Variants in MRC2 observed in about 807,000 individuals in gnomAD.
MRC2 encodes the protein mannose receptor C-type 2.
A neutral mutation model predicts 206.2 loss-of-function variants in MRC2; 84 were observed. That is an observed-to-expected ratio of 0.41 (90% CI 0.34 to 0.49). MRC2 has a LOEUF of 0.49. Among genes scored for constraint, MRC2 ranks in the 20% least tolerant of loss-of-function variants. The pLI, the probability that MRC2 is intolerant of heterozygous loss-of-function variation, is 0.31. For synonymous variants in MRC2, 798 were observed against 800.0 expected, an observed-to-expected ratio of 1.00 and a Z score of 0.04; for missense variants, 1,676 against 2,001.5, an observed-to-expected ratio of 0.84 and a Z score of 3.10.
chr17:62,676,419 C>T lies in MRC2; in HGVS notation c.1722C>T (p.Asn574=), dbSNP rs1427344317. Residue 574 remains asparagine (N), a synonymous_variant, in exon 11 of 30, where the codon AAC becomes AAT. Coordinates refer to ENST00000303375, the MANE Select transcript of MRC2 (RefSeq NM_006039.5). Reference sequence around the variant, plus strand: ...CCTTCGTCAGCAGCCTCATCTACAACTGGGAGGGCGAGTACTTCTGGACGG... The same window carrying T: ...CCTTCGTCAGCAGCCTCATCTACAATTGGGAGGGCGAGTACTTCTGGACGG... ...EQAFVSSLIY[N]WEGEYFWTAL... 3 of 1,614,120 alleles carry T rather than the reference C, an allele frequency of 1.9e-6. No homozygotes were observed. The highest frequency in any genetic ancestry group is 1.7e-6 in the Non-Finnish European group (2 of 1,179,980).
chr17:62,673,583 A>G (rs1163808157), intron 8 of MRC2, among the ~76,000 whole-genome samples: 1 of 140,224 alleles, frequency 7.1e-6, no homozygotes, highest in Non-Finnish European at 1.5e-5. Flanking sequence ...ATCTTGGCTC[A>G]CTGGAACCTC....
chr17:62,689,565 G>A lies in MRC2; in HGVS notation c.3378G>A (p.Pro1126=), dbSNP rs747978843. The change falls in exon 24 of 30, where the codon CCG becomes CCA. Residue 1126 remains proline (P), a synonymous_variant. Coordinates refer to ENST00000303375, the MANE Select transcript of MRC2 (RefSeq NM_006039.5). ...SPSPAALPPA[P]GTELSYLNGT... ...CCCCAGCAGCGCTGCCCCCCGCCCC[G>A]GGCACTGAGCTCTCCTACCTCAACG... is the stretch of plus-strand genomic sequence containing the variant. The A allele has an allele frequency of 1.9e-5, 30 of 1,596,232 alleles. No homozygotes were observed. Among genetic ancestry groups the A allele is most frequent in the Admixed American group, 8.5e-5 (5 of 58,660 alleles).
rs139676528 is a variant in MRC2 at position 62,640,123 on chromosome 17, G to A, written c.118+12203G>A. On this transcript the variant is annotated intron_variant, in intron 1 of 29. Transcript: ENST00000303375. ...TGACCTCAGGTGATCTGCCTGCCTC[G>A]GCCTCCCAAAGTGCTGGGATTACAG... Among the ~76,000 whole-genome samples, 628 of 145,986 alleles carry A rather than the reference G, an allele frequency of 4.3e-3. 6 individuals are homozygous for A. Among genetic ancestry groups the A allele is most frequent in the African/African-American group, 0.015 (586 of 39,380 alleles).
In MRC2 at chr17:62,664,241, G is replaced by C. The variant is rs1161529365; in HGVS notation, c.119-307G>C. 6.6e-6 allele frequency among the ~76,000 whole-genome samples: 1 copy of C among 151,956 alleles called. No homozygotes were observed. The highest frequency in any genetic ancestry group is 2.4e-5 in the African/African-American group (1 of 41,268). On this transcript the variant is annotated intron_variant, in intron 1 of 29. Coordinates refer to ENST00000303375, the MANE Select transcript of MRC2 (RefSeq NM_006039.5). This position sits in a 1 kb window ranked among gnomAD's most constrained non-coding sequence, Gnocchi z 4.7. ...CCCAAAGTGCTGGGATTACAGGCGT[G>C]AGCCACCGCGCCCGGCCTGGGTTTG...
rs568979476 is a variant in MRC2, at chr17:62,636,565, T to C, written c.118+8645T>C. 6.1e-5 allele frequency among the ~76,000 whole-genome samples: 9 copies of C among 147,958 alleles called. No homozygotes were observed. The South Asian group carries it at 1.9e-3, about 32-fold the overall frequency. On this transcript the variant is annotated intron_variant, in intron 1 of 29. Transcript: ENST00000303375. ...CTCACTGCAAGCTCCACCTCCCAGG[T>C]TCACGCCATTCTCCCACCTCAGCCT...
At chr17:62,689,193 C>T (rs913407969) in intron 23 of MRC2, among the ~76,000 whole-genome samples, 14 of 152,274 alleles carry the variant, frequency 9.2e-5, no homozygotes, top group African/African-American at 1.7e-4. Flanking sequence ...GAGAGCTAGA[C>T]GCTGGGCTGC....
rs762227374 is a variant in MRC2, at chr17:62,690,234, G to T, written c.3821G>T (p.Arg1274Leu). 3.7e-6 allele frequency: 6 copies of T among 1,613,308 alleles called. No individual in the cohort carries two copies. Among genetic ancestry groups the T allele is most frequent in the Non-Finnish European group, 5.1e-6 (6 of 1,179,722 alleles). ...GLADSAWIPF[R>L]EHCYSFHMEL... ...GCAGACTCCGCGTGGATTCCCTTCC[G>T]GGAGCACTGCTATTCTTTCCACATG... The change falls in exon 26 of 30, where the codon CGG becomes CTG. Residue 1274 changes from arginine to leucine, a missense_variant. Coordinates refer to ENST00000303375, the MANE Select transcript of MRC2 (RefSeq NM_006039.5).
At chr17:62,689,796 T>C (rs1052528633) in intron 24 of MRC2, 36 bp downstream of exon 24, 8 of 1,530,086 alleles carry the variant, frequency 5.2e-6, no homozygotes, top group Non-Finnish European at 7.0e-6. Context: ...GGCCCCAGCC[T>C]TGCCCGGGTT....
At chr17:62,663,650 A>T (rs1464488183) in intron 1 of MRC2, among the ~76,000 whole-genome samples, 1 of 152,134 alleles carries the variant, frequency 6.6e-6, no homozygotes, top group Non-Finnish European at 1.5e-5. Flanking sequence ...AGGTGGAAAG[A>T]GGAAAGGTTG....
intron 1 of MRC2, among the ~76,000 whole-genome samples, chr17:62,646,094 G>C (rs909873687): frequency 6.9e-6 from 1 of 144,874 alleles, no homozygotes; most frequent in Non-Finnish European, 1.5e-5. Flanking sequence ...GTGCGATCTC[G>C]GCTCACTGCA....
chr17:62,649,828 T>C (rs373431360), intron 1 of MRC2, among the ~76,000 whole-genome samples: 56 of 152,072 alleles, frequency 3.7e-4, no homozygotes, highest in African/African-American at 1.3e-3. Flanking sequence ...GCCCCACCGA[T>C]ACATACATTT....
Position 62,671,851 on chromosome 17 carries a change from C to G in MRC2, c.1306+14C>G. 6.3e-7 allele frequency: 1 copy of G among 1,587,194 alleles called. No individual in the cohort carries two copies. On this transcript the variant is annotated intron_variant, in intron 7 of 29. Coordinates refer to ENST00000303375, the MANE Select transcript of MRC2 (RefSeq NM_006039.5). The surrounding 1 kb of genome is among the most constrained non-coding windows in gnomAD (Gnocchi z 4.5). ...AGATCAAGCAAGGTGAGGAGCTGCC[C>G]GCCCACGTGTCTGGGTGGAGGGCAG... is the stretch of plus-strand genomic sequence containing the variant.
At chr17:62,676,640 A>T in intron 11 of MRC2, 109 bp downstream of exon 11, 3 of 1,366,878 alleles carry the variant, frequency 2.2e-6, no homozygotes, top group Non-Finnish European at 3.0e-6. Flanking sequence ...TCATTGGTGC[A>T]CTGTGGTGTA....
At chr17:62,660,710 G>A (rs1213162897) in intron 1 of MRC2, among the ~76,000 whole-genome samples, 1 of 152,170 alleles carries the variant, frequency 6.6e-6, no homozygotes, top group African/African-American at 2.4e-5. Context: ...ACAAAATCCA[G>A]CATTCTTTAG....
rs2088723197 is a variant in MRC2 at position 62,664,557 on chromosome 17, T to C, written c.128T>C (p.Val43Ala). The C allele has an allele frequency of 1.9e-6, 3 of 1,610,300 alleles. No homozygotes were observed. The highest frequency in any genetic ancestry group is 1.7e-6 in the Non-Finnish European group (2 of 1,178,220). Reference sequence around the variant, plus strand: ...TTGCCTTCCCTTCCAGAACCCAACGTCTTCCTCATCTTCAGCCATGGACTG... The same window carrying C: ...TTGCCTTCCCTTCCAGAACCCAACGCCTTCCTCATCTTCAGCCATGGACTG... The part of the protein sequence containing the change: ...PGDAALPEPN[V>A]FLIFSHGLQG... Residue 43 changes from valine (V) to alanine (A), a missense_variant, in exon 2 of 30, where the codon GTC becomes GCC. Coordinates refer to ENST00000303375, the MANE Select transcript of MRC2 (RefSeq NM_006039.5). This position sits in a 1 kb window ranked among gnomAD's most constrained non-coding sequence, Gnocchi z 4.7.
intron 6 of MRC2, among the ~76,000 whole-genome samples, chr17:62,668,539 C>A (rs2088786741): frequency 6.6e-6 from 1 of 152,104 alleles, no homozygotes; most frequent in African/African-American, 2.4e-5. Context: ...CACAGTCAGG[C>A]CCGCCCCAGA....
intron 1 of MRC2, among the ~76,000 whole-genome samples, chr17:62,636,511 C>G (rs1195730244): frequency 2.8e-5 from 4 of 143,446 alleles, no homozygotes; most frequent in Non-Finnish European, 6.0e-5. Flanking sequence ...CTCTGTCGCC[C>G]AGGCTGGAGT....
At position 62,692,605 on chromosome 17, in the gene MRC2, G is replaced by C; in HGVS notation, c.*154G>C. On this transcript the variant is annotated 3_prime_UTR_variant, in exon 30 of 30. Transcript: ENST00000303375. The surrounding 1 kb of genome is among the most constrained non-coding windows in gnomAD (Gnocchi z 4.2). ...GCCGGAGCTGGGCAGAGCCTGGGCT[G>C]GTGGGGTGCCACCCTCCCACAAGGG... is the stretch of plus-strand genomic sequence containing the variant. 2.6e-6 allele frequency: 2 copies of C among 761,978 alleles called. No homozygotes were observed. The highest frequency in any genetic ancestry group is 1.8e-5 in the South Asian group (1 of 55,522). 47.2% of individuals were successfully genotyped at this position (761,978 alleles called of 1,614,324 possible). A position where few individuals can be genotyped will look rare whatever the true frequency, so the allele number is the denominator to read the frequency against.
In MRC2 at chr17:62,692,706, G is replaced by A. The variant is rs571778939; in HGVS notation, c.*255G>A. On this transcript the variant is annotated 3_prime_UTR_variant, in exon 30 of 30. Coordinates refer to ENST00000303375, the MANE Select transcript of MRC2 (RefSeq NM_006039.5). The surrounding 1 kb of genome is among the most constrained non-coding windows in gnomAD (Gnocchi z 4.2). ...GCCTGAGGTCTTGTCACCTGGTCCTGTGCCCCCACAGGAACCAGAGGTAGG... is the reference window on the plus strand; with the variant it reads ...GCCTGAGGTCTTGTCACCTGGTCCTATGCCCCCACAGGAACCAGAGGTAGG... The A allele has an allele frequency of 1.3e-5, 6 of 462,278 alleles. No homozygotes were observed. The highest frequency in any genetic ancestry group is 2.4e-5 in the Non-Finnish European group (6 of 252,978). The allele number at this position is 462,278 out of a possible 1,614,324, so 28.6% of individuals were successfully genotyped here.
Sources: gnomAD v4.1 joint callset for allele counts (sites outside exome capture counted in the v4.1 genomes callset) on GRCh38, gnomAD v4.1.1 for gene constraint, Gnocchi (gnomAD v3.1) non-coding constraint, MANE v1.5 for transcripts, NCBI Gene and HGNC (gene_info 2026-07-23, HGNC 2026-07-21) for gene names.